The following CORO2B variants were observed in gnomAD, a reference collection of about 807,000 sequenced individuals.
The protein encoded by CORO2B is coronin 2B.
A neutral mutation model predicts 58.8 loss-of-function variants in CORO2B; 26 were observed. The observed-to-expected ratio is 0.44, with a 90% CI of 0.32 to 0.61. The LOEUF is 0.61. CORO2B is among the 20% of genes least tolerant of loss of function. The pLI, the probability that CORO2B is intolerant of heterozygous loss-of-function variation, is 0.04. For missense variants in CORO2B, 460 were observed against 645.1 expected (o/e 0.71, Z 3.11); for synonymous variants, 242 against 253.8 (o/e 0.95, Z 0.44).
chr15:68,715,384 C>G, intron 8 of CORO2B, 73 bp downstream of exon 8: 1 of 1,070,876 alleles, frequency 9.3e-7, no homozygotes, highest in Non-Finnish European at 1.4e-6. Flanking sequence ...GGGTCACCCC[C>G]TCCCTTAAGT....
At chr15:68,561,496 A>G in the CORO2B span, among the ~76,000 whole-genome samples, 1 of 152,192 alleles carries the variant, frequency 6.6e-6, no homozygotes, top group African/African-American at 2.4e-5. Context: ...CGGGACAGGT[A>G]GAGGGTCCCC....
intron 3 of CORO2B, 59 bp downstream of exon 3, chr15:68,695,315 G>GAAGC: frequency 1.6e-6 from 2 of 1,260,966 alleles, no homozygotes; most frequent in Non-Finnish European, 1.2e-6. Context: ...GCTTCCTTTG[G>GAAGC]AGGCCTCTCT....
chr15:68,662,625 G>C (rs142226512), intron 2 of CORO2B, among the ~76,000 whole-genome samples: 1 of 152,300 alleles, frequency 6.6e-6, no homozygotes, highest in East Asian at 1.9e-4. Context: ...AGCCTCACAT[G>C]CATTTTAAGC....
chr15:68,521,207 A>C, the CORO2B span, among the ~76,000 whole-genome samples: 42,460 of 151,806 alleles, frequency 0.28, 6,606 homozygotes, highest in African/African-American at 0.41. Flanking sequence ...CTTTTCTTGC[A>C]TTCTTTTGAA....
At chr15:68,575,350 T>G (rs1420782984), upstream of CORO2B, among the ~76,000 whole-genome samples, 3 of 151,688 alleles carry the variant, frequency 2.0e-5, no homozygotes, top group East Asian at 3.9e-4. Flanking sequence ...TTCTTTTTTT[T>G]TTTTTTCCTC....
At chr15:68,528,080 C>T in the CORO2B span, among the ~76,000 whole-genome samples, 2 of 152,124 alleles carry the variant, frequency 1.3e-5, no homozygotes. Context: ...ATGTTGTCTG[C>T]TAATGAAGAC....
chr15:68,615,988 C>T (rs1340752464), intron 1 of CORO2B, among the ~76,000 whole-genome samples: 1 of 152,152 alleles, frequency 6.6e-6, no homozygotes, highest in Non-Finnish European at 1.5e-5. Context: ...TTATAGAACA[C>T]CTACTGTGCG....
rs33965107 is a variant in CORO2B, at chr15:68,642,035, CTTTTTTTTTT to C, written c.16-3115_16-3106del. On this transcript the variant is annotated intron_variant, in intron 1 of 11. Transcript: ENST00000261861. ...TGACTCACCTAACCCGGCCTAGCCT[CTTTTTTTTTT>C]TTTTTTTTTGAGACAGAGTCTCATT... Among the ~76,000 whole-genome samples the C allele has an allele frequency of 3.4e-5, 4 of 115,978 alleles. No individual in the cohort carries two copies. In the Admixed American group the frequency reaches 3.8e-4, roughly 11 times the overall value. The allele number at this position is 115,978 out of a possible 152,430, so 76.1% of individuals were successfully genotyped here.
At chr15:68,615,032 G>C (rs1270400803) in intron 1 of CORO2B, among the ~76,000 whole-genome samples, 1 of 152,210 alleles carries the variant, frequency 6.6e-6, no homozygotes, top group Non-Finnish European at 1.5e-5. Context: ...ACAGGAGCTG[G>C]GCTTCTCAAT....
chr15:68,684,972 GTCT>G (rs1902913308), intron 2 of CORO2B, among the ~76,000 whole-genome samples: 1 of 152,172 alleles, frequency 6.6e-6, no homozygotes, highest in Non-Finnish European at 1.5e-5. Context: ...TAATCAGATG[GTCT>G]GGAATGCATG....
intron 2 of CORO2B, among the ~76,000 whole-genome samples, chr15:68,684,761 C>G (rs1467828406): frequency 6.6e-6 from 1 of 152,212 alleles, no homozygotes; most frequent in Non-Finnish European, 1.5e-5. Context: ...AAGATAATGT[C>G]TGTGCAAGTG....
rs201903698 is a variant in CORO2B at position 68,645,372 on chromosome 15, C to G, written c.216+12C>G. ...TCCCCCTGGAGCAGGTAGGTGGCCC[C>G]TACCTTCACTCCAGCTGCAGCTCCA... On this transcript the variant is annotated intron_variant, in intron 2 of 11. Coordinates refer to ENST00000261861, the MANE Select transcript of CORO2B (RefSeq NM_006091.5). This position sits in a 1 kb window ranked among gnomAD's most constrained non-coding sequence, Gnocchi z 4.5. The G allele has an allele frequency of 6.2e-7, 1 of 1,608,106 alleles. No homozygotes were observed. The highest frequency in any genetic ancestry group is 8.5e-7 in the Non-Finnish European group (1 of 1,179,390).
chr15:68,696,278 G>T (rs549825703), intron 3 of CORO2B, among the ~76,000 whole-genome samples: 2 of 151,582 alleles, frequency 1.3e-5, no homozygotes, highest in East Asian at 3.9e-4. Flanking sequence ...TTCGAGCATG[G>T]TGGCACATGC....
intron 1 of CORO2B, among the ~76,000 whole-genome samples, chr15:68,633,121 C>T (rs931591086): frequency 1.3e-5 from 2 of 152,146 alleles, no homozygotes; most frequent in African/African-American, 4.8e-5. Context: ...TTAGCTGTCA[C>T]CATTGAGTGT....
intron 1 of CORO2B, among the ~76,000 whole-genome samples, chr15:68,625,708 A>T (rs1438961413): frequency 1.3e-5 from 2 of 152,040 alleles, no homozygotes; most frequent in African/African-American, 4.8e-5. Flanking sequence ...GGGCTCAAGC[A>T]ATCCTCCCAC....
At chr15:68,635,344 C>T (rs527283841) in intron 1 of CORO2B, among the ~76,000 whole-genome samples, 4 of 152,302 alleles carry the variant, frequency 2.6e-5, no homozygotes, top group Admixed American at 1.3e-4. Flanking sequence ...ATCTGTTGGG[C>T]CTGTGTTTTG....
At chr15:68,662,932 T>A (rs1902060945) in intron 2 of CORO2B, among the ~76,000 whole-genome samples, 1 of 151,740 alleles carries the variant, frequency 6.6e-6, no homozygotes. Context: ...TTTTCTTAAT[T>A]TTTTTTTTCC....
At chr15:68,622,139 A>G (rs1302476633) in intron 1 of CORO2B, among the ~76,000 whole-genome samples, 1 of 152,194 alleles carries the variant, frequency 6.6e-6, no homozygotes, top group Non-Finnish European at 1.5e-5. Context: ...TGAGAATTAA[A>G]TGAGACGAAG....
intron 8 of CORO2B, among the ~76,000 whole-genome samples, chr15:68,715,947 AC>A (rs1277502313): frequency 6.6e-6 from 1 of 152,074 alleles, no homozygotes; most frequent in African/African-American, 2.4e-5. Flanking sequence ...CCAATGAAAC[AC>A]CTATTTTCAG....
Sources: gnomAD v4.1 joint callset for allele counts (sites outside exome capture counted in the v4.1 genomes callset) on GRCh38, gnomAD v4.1.1 for gene constraint, Gnocchi (gnomAD v3.1) non-coding constraint, MANE v1.5 for transcripts, NCBI Gene and HGNC (gene_info 2026-07-23, HGNC 2026-07-21) for gene names.